Variants in SLC17A8 observed in about 807,000 individuals in gnomAD.
SLC17A8 encodes the protein vesicular glutamate transporter 3.
In SLC17A8, 31 loss-of-function variants were observed where a neutral mutation model predicts 58.0. The observed-to-expected ratio is 0.53, with a 90% CI of 0.40 to 0.72. SLC17A8 has a LOEUF of 0.72. Ranked by LOEUF, SLC17A8 falls within the 30% of genes least tolerant of loss-of-function variation. The pLI is 0.00. For missense variants in SLC17A8, 655 were observed against 727.8 expected, an observed-to-expected ratio of 0.90 and a Z score of 1.15; for synonymous variants, 228 against 249.0, an observed-to-expected ratio of 0.92 and a Z score of 0.79.
At chr12:100,379,970 C>T (rs971262926) in intron 1 of SLC17A8, among the ~76,000 whole-genome samples, 10 of 152,024 alleles carry the variant, frequency 6.6e-5, no homozygotes, top group South Asian at 2.1e-4. Flanking sequence ...GAGGCTGAGG[C>T]GGGCGGATCA....
At chr12:100,397,805 C>A (rs1169395736) in intron 5 of SLC17A8, among the ~76,000 whole-genome samples, 3 of 151,808 alleles carry the variant, frequency 2.0e-5, no homozygotes, top group Non-Finnish European at 4.4e-5. Context: ...TAGCTGGGTG[C>A]GGTGGCTCAT....
chr12:100,360,946 C>T (rs1013682935), intron 1 of SLC17A8, among the ~76,000 whole-genome samples: 2 of 152,186 alleles, frequency 1.3e-5, no homozygotes, highest in Admixed American at 6.5e-5. Flanking sequence ...ACAAGTATGT[C>T]TATCTTCCCT....
intron 4 of SLC17A8, 42 bp downstream of exon 4, chr12:100,393,525 C>A: frequency 7.2e-7 from 1 of 1,393,222 alleles, no homozygotes; most frequent in Non-Finnish European, 1.0e-6. Flanking sequence ...TTGCTAGAGA[C>A]AGCGCAGTCC....
chr12:100,383,761 T>C (rs767798912), intron 2 of SLC17A8, among the ~76,000 whole-genome samples: 20 of 151,826 alleles, frequency 1.3e-4, no homozygotes, highest in Non-Finnish European at 2.4e-4. Context: ...TTTAGTGAAG[T>C]GGTGTGATCA....
intron 10 of SLC17A8, 137 bp from the exon 11 acceptor site, chr12:100,417,892 T>G (rs1952917408): frequency 2.0e-6 from 2 of 1,006,302 alleles, no homozygotes; most frequent in Non-Finnish European, 3.1e-6. Context: ...TTGAACCCAG[T>G]CCTCTTGGTC....
intron 11 of SLC17A8, 56 bp downstream of exon 11, chr12:100,418,212 C>A (rs941418750): frequency 6.2e-7 from 1 of 1,610,398 alleles, no homozygotes; most frequent in Non-Finnish European, 8.5e-7. Context: ...GAGCTCTACA[C>A]AAACTTGAGA....
chr12:100,394,025 T>A (rs1315140449), intron 4 of SLC17A8, among the ~76,000 whole-genome samples: 2 of 152,216 alleles, frequency 1.3e-5, no homozygotes, highest in East Asian at 1.9e-4. Flanking sequence ...TACGTTCCAA[T>A]TAAACATTTT....
chr12:100,392,319 AAT>A (rs1217966175), intron 3 of SLC17A8, among the ~76,000 whole-genome samples: 3 of 152,238 alleles, frequency 2.0e-5, no homozygotes, highest in Non-Finnish European at 4.4e-5. Context: ...AATAGAATAA[AAT>A]AGAAAATATC....
At chr12:100,377,894 CT>C (rs1334611279) in intron 1 of SLC17A8, among the ~76,000 whole-genome samples, 1 of 152,126 alleles carries the variant, frequency 6.6e-6, no homozygotes, top group Admixed American at 6.6e-5. Context: ...AGCCTGATGG[CT>C]TCAAGATTTT....
chr12:100,402,684 A>C lies in SLC17A8; in HGVS notation c.992A>C (p.Tyr331Ser). ...VANFCRSWTFYLLLISQPAYF... is the reference protein window; with the variant it reads ...VANFCRSWTFSLLLISQPAYF... ...AATTTTTGCAGAAGCTGGACCTTTT[A>C]TTTGCTCCTCATAAGTCAGCCTGCT... Residue 331 changes from tyrosine (Y) to serine (S), a missense_variant, in exon 8 of 12, where the codon TAT becomes TCT. Tyr to Ser is a moderately radical substitution (Grantham distance 144). Transcript: ENST00000323346. The C allele has an allele frequency of 6.2e-7, 1 of 1,614,038 alleles. No individual in the cohort carries two copies. Among genetic ancestry groups the C allele is most frequent in the South Asian group, 1.1e-5 (1 of 91,078 alleles).
chr12:100,409,145 T>TTATGTATG (rs4015905), intron 9 of SLC17A8, among the ~76,000 whole-genome samples: 70 of 143,790 alleles, frequency 4.9e-4, no homozygotes, highest in South Asian at 6.9e-4. Flanking sequence ...TCATTAAACG[T>TTATGTATG]TATGTATGTA....
At chr12:100,404,256 T>A in intron 9 of SLC17A8, 86 bp downstream of exon 9, 1 of 1,561,712 alleles carries the variant, frequency 6.4e-7, no homozygotes, top group African/African-American at 1.4e-5. Flanking sequence ...GAAGTGACAT[T>A]TAGTCATTGG....
chr12:100,396,249 G>A (rs1257183736), intron 4 of SLC17A8, 81 bp from the exon 5 acceptor site: 5 of 1,111,576 alleles, frequency 4.5e-6, no homozygotes, highest in African/African-American at 1.5e-5. Flanking sequence ...TGTAGCCTGT[G>A]TGAAGAAGCA....
In SLC17A8 at chr12:100,402,684, A is replaced by G; in HGVS notation, c.992A>G (p.Tyr331Cys). ...AATTTTTGCAGAAGCTGGACCTTTT[A>G]TTTGCTCCTCATAAGTCAGCCTGCT... ...VANFCRSWTF[Y>C]LLLISQPAYF... The change falls in exon 8 of 12, where the codon TAT becomes TGT. Residue 331 changes from tyrosine (Y) to cysteine (C), a missense_variant. By Grantham distance (194) the Tyr-to-Cys change is radical. Coordinates refer to ENST00000323346, the MANE Select transcript of SLC17A8 (RefSeq NM_139319.3). The G allele has an allele frequency of 6.2e-7, 1 of 1,614,038 alleles. No individual in the cohort carries two copies. The highest frequency in any genetic ancestry group is 1.1e-5 in the South Asian group (1 of 91,078).
chr12:100,392,425 T>C (rs1952723342), intron 3 of SLC17A8, among the ~76,000 whole-genome samples: 1 of 152,168 alleles, frequency 6.6e-6, no homozygotes, highest in Non-Finnish European at 1.5e-5. Context: ...CAATATAAAA[T>C]ATATTTTGTT....
intron 2 of SLC17A8, among the ~76,000 whole-genome samples, chr12:100,388,602 G>C (rs1481169817): frequency 6.6e-6 from 1 of 152,238 alleles, no homozygotes; most frequent in Non-Finnish European, 1.5e-5. Context: ...GACAATGCTT[G>C]TTTGAGTCTG....
At chr12:100,360,064 G>A (rs1366554824) in intron 1 of SLC17A8, among the ~76,000 whole-genome samples, 1 of 152,190 alleles carries the variant, frequency 6.6e-6, no homozygotes, top group Non-Finnish European at 1.5e-5. Flanking sequence ...GCACAGGGAA[G>A]CATTTGAGAG....
chr12:100,385,518 G>A (rs374938465), intron 2 of SLC17A8, among the ~76,000 whole-genome samples: 193 of 152,234 alleles, frequency 1.3e-3, no homozygotes, highest in African/African-American at 4.2e-3. Context: ...GATTACAGGC[G>A]TGAGCCACCA....
Position 100,420,017 on chromosome 12 carries a change from A to G in SLC17A8, c.1628A>G (p.Lys543Arg). The G allele has an allele frequency of 1.9e-6, 3 of 1,614,094 alleles. No homozygotes were observed. The highest frequency in any genetic ancestry group is 1.1e-5 in the South Asian group (1 of 91,056). ...ELNHESFASP[K>R]KKMSYGATSQ... The stretch of plus-strand genomic sequence containing the variant: ...AACCATGAGAGTTTTGCGAGTCCCA[A>G]AAAGAAGATGTCTTATGGAGCCACC... The change falls in exon 12 of 12, where the codon AAA (lysine) becomes AGA (arginine). Residue 543 changes from lysine to arginine, a missense_variant. Lys to Arg is a conservative substitution (Grantham distance 26). Coordinates refer to ENST00000323346, the MANE Select transcript of SLC17A8 (RefSeq NM_139319.3).
Sources: gnomAD v4.1 joint callset for allele counts (sites outside exome capture counted in the v4.1 genomes callset) on GRCh38, gnomAD v4.1.1 for gene constraint, MANE v1.5 for transcripts, NCBI Gene and HGNC (gene_info 2026-07-23, HGNC 2026-07-21) for gene names.